OR51B5: variants seen among roughly 807,000 people sequenced by gnomAD.
The protein encoded by OR51B5 is olfactory receptor 51B5.
For missense variants in OR51B5, 456 were observed against 374.6 expected (o/e 1.22, Z -1.79); for synonymous variants, 186 against 144.8 (o/e 1.28, Z -2.04).
At chr11:5,490,346 C>T (rs1851563655) in intron 1 of OR51B5, among the ~76,000 whole-genome samples, 1 of 152,164 alleles carries the variant, frequency 6.6e-6, no homozygotes, top group African/African-American at 2.4e-5. Context: ...ACTTTTTTTA[C>T]ATTACCTCAC....
chr11:5,413,290 C>G (rs1168982434), intron 1 of OR51B5, among the ~76,000 whole-genome samples: 6 of 152,038 alleles, frequency 3.9e-5, no homozygotes, highest in Non-Finnish European at 7.4e-5. Flanking sequence ...ATCTGTACAT[C>G]ACCATCATCA....
intron 1 of OR51B5, among the ~76,000 whole-genome samples, chr11:5,463,143 A>C (rs1278333049): frequency 6.6e-6 from 1 of 152,224 alleles, no homozygotes; most frequent in Non-Finnish European, 1.5e-5. Flanking sequence ...TCCGCCAAAA[A>C]TATGTATGAA....
chr11:5,341,508 C>CTGAT (rs1848892145), downstream of OR51B5: 2 of 152,234 alleles, frequency 1.3e-5, no homozygotes, highest in South Asian at 2.1e-4. Flanking sequence ...TATTTTTGCT[C>CTGAT]TGATTAAAGT....
At chr11:5,479,955 A>C (rs1851389200) in intron 1 of OR51B5, among the ~76,000 whole-genome samples, 1 of 145,332 alleles carries the variant, frequency 6.9e-6, no homozygotes, top group African/African-American at 2.5e-5. Flanking sequence ...CAGATCAACG[A>C]GACAGAAAGT....
chr11:5,390,808 A>C (rs2340320), intron 1 of OR51B5: 123,835 of 157,044 alleles, frequency 0.79, 49,211 homozygotes, highest in Middle Eastern at 0.84. Context: ...CTTCCATCTT[A>C]TCTACCTGGC....
At chr11:5,454,486 G>A (rs1209576944) in intron 1 of OR51B5, 32 of 1,293,290 alleles carry the variant, frequency 2.5e-5, no homozygotes, top group Admixed American at 9.6e-5. Context: ...CAGTAGCATC[G>A]TCATCATCAT....
chr11:5,499,088 G>A (rs1327507945), intron 1 of OR51B5, among the ~76,000 whole-genome samples: 2 of 152,194 alleles, frequency 1.3e-5, no homozygotes, highest in Non-Finnish European at 2.9e-5. Context: ...CTAGAATGAA[G>A]TTCAAGTTGA....
chr11:5,413,225 C>G (rs964793282), intron 1 of OR51B5, among the ~76,000 whole-genome samples: 4 of 152,178 alleles, frequency 2.6e-5, no homozygotes, highest in Non-Finnish European at 5.9e-5. Context: ...AGCTGAGGGT[C>G]CTGTCTGTTA....
At chr11:5,454,328 C>T (rs779650020) in intron 1 of OR51B5, 2 of 1,614,114 alleles carry the variant, frequency 1.2e-6, no homozygotes, top group Admixed American at 1.7e-5. Flanking sequence ...CAAATGTGTA[C>T]CTATTTGTGC....
chr11:5,351,906 C>T (rs1265160807), intron 1 of OR51B5: 1 of 1,613,028 alleles, frequency 6.2e-7, no homozygotes, highest in South Asian at 1.1e-5. Flanking sequence ...ATACCTCTAT[C>T]CTGACCAACA....
Position 5,390,158 on chromosome 11 carries a change from A to G in OR51B5, n.85-43248T>C, listed in dbSNP as rs1176856766. On this transcript the variant is annotated intron_variant and non_coding_transcript_variant, in intron 1 of 4. Coordinates refer to the OR51B5 transcript ENST00000415970. ...GCAGCGCCGTGCCTTTCAGACATGC[A>G]CCGCTCCTCTCTGTGCTGTGCTAGT... 2 of 1,613,818 alleles carry G rather than the reference A, an allele frequency of 1.2e-6. No homozygotes were observed. Among genetic ancestry groups the G allele is most frequent in the South Asian group, 2.2e-5 (2 of 91,072 alleles).
chr11:5,421,922 A>G, intron 1 of OR51B5, among the ~76,000 whole-genome samples: 1 of 152,190 alleles, frequency 6.6e-6, no homozygotes, highest in East Asian at 1.9e-4. Flanking sequence ...ACTGAATGGG[A>G]GTGGGAAAAT....
chr11:5,344,388 C>G (rs1166051563), upstream of OR51B5, among the ~76,000 whole-genome samples: 3 of 142,600 alleles, frequency 2.1e-5, no homozygotes, highest in Admixed American at 7.6e-5. Flanking sequence ...TCCCTAGAAT[C>G]TGACCTCTCT....
At chr11:5,377,226 T>A (rs1205766897) in intron 1 of OR51B5, among the ~76,000 whole-genome samples, 2 of 152,002 alleles carry the variant, frequency 1.3e-5, no homozygotes, top group Non-Finnish European at 2.9e-5. Flanking sequence ...ATTATCTCAA[T>A]AGATGCAGAA....
At chr11:5,451,719 A>G (rs112347574) in intron 1 of OR51B5, among the ~76,000 whole-genome samples, 1,732 of 152,284 alleles carry the variant, frequency 0.011, 34 homozygotes, top group African/African-American at 0.039. Flanking sequence ...CATTCCCATC[A>G]GAAAGAACTC....
intron 1 of OR51B5, among the ~76,000 whole-genome samples, chr11:5,501,642 T>C (rs79190419): frequency 0.023 from 3,431 of 148,238 alleles, 214 homozygotes; most frequent in African/African-American, 0.075. Context: ...TAAGACTTTA[T>C]AACAAGATTG....
At chr11:5,453,706 T>C (rs770911627) in intron 1 of OR51B5, 2 of 1,613,990 alleles carry the variant, frequency 1.2e-6, no homozygotes, top group African/African-American at 1.3e-5. Context: ...GATGTGGCCA[T>C]ATCCATGGCC....
chr11:5,439,004 A>G (rs2133774105), intron 1 of OR51B5, among the ~76,000 whole-genome samples: 1 of 152,280 alleles, frequency 6.6e-6, no homozygotes, highest in African/African-American at 2.4e-5. Flanking sequence ...AGACTTCCTG[A>G]TCAGGAGACT....
At chr11:5,463,791 G>C (rs1851093085) in intron 1 of OR51B5, among the ~76,000 whole-genome samples, 1 of 152,210 alleles carries the variant, frequency 6.6e-6, no homozygotes, top group African/African-American at 2.4e-5. Context: ...GGAGAAACCT[G>C]TCTAAAGAGA....
Sources: allele counts gnomAD v4.1 joint callset (sites outside exome capture counted in the v4.1 genomes callset), GRCh38; gene constraint gnomAD v4.1.1; transcripts MANE v1.5; gene names NCBI Gene and HGNC (gene_info 2026-07-23, HGNC 2026-07-21).